IQSEC1: variants seen among roughly 807,000 people sequenced by gnomAD.
The protein encoded by IQSEC1 is IQ motif and Sec7 domain ArfGEF 1.
Under a neutral mutation model 91.0 loss-of-function variants are expected in IQSEC1, and 31 were observed. The observed-to-expected ratio is 0.34, with a 90% CI of 0.26 to 0.46. The LOEUF (loss-of-function observed/expected upper bound fraction) is 0.46. IQSEC1 is among the 20% of genes least tolerant of loss of function. The pLI is 1.00. For synonymous variants in IQSEC1, 699 were observed against 662.6 expected, an observed-to-expected ratio of 1.05 and a Z score of -0.84; for missense variants, 1,388 against 1,575.6, an observed-to-expected ratio of 0.88 and a Z score of 2.02.
rs528769715 is a variant in IQSEC1 at position 13,034,434 on chromosome 3, T to C, written c.23+38558A>G. On this transcript the variant is annotated intron_variant, in intron 1 of 13. Coordinates refer to ENST00000613206, the MANE Select transcript of IQSEC1 (RefSeq NM_001134382.3). ...AGCGAGAACGTTTCCCCGAATCAAATCTCCATGAACCTAACACCCGTTTCC... is the reference window on the plus strand; with the variant it reads ...AGCGAGAACGTTTCCCCGAATCAAACCTCCATGAACCTAACACCCGTTTCC... 2.6e-5 allele frequency among the ~76,000 whole-genome samples: 4 copies of C among 152,298 alleles called. No individual in the cohort carries two copies. The South Asian group carries it at 8.3e-4, about 32-fold the overall frequency.
chr3:13,147,215 T>C (rs1339915129), intron 2 of IQSEC1, among the ~76,000 whole-genome samples: 1 of 152,224 alleles, frequency 6.6e-6, no homozygotes, highest in Non-Finnish European at 1.5e-5. Flanking sequence ...TTTTTGGTTA[T>C]GTGGATGAAT....
chr3:12,949,829 G>GCCAC (rs992055450), intron 1 of IQSEC1, among the ~76,000 whole-genome samples: 5 of 152,190 alleles, frequency 3.3e-5, no homozygotes, highest in Non-Finnish European at 5.9e-5. Flanking sequence ...AGAGGTGGCC[G>GCCAC]CCACCCCTGC....
chr3:13,242,900 G>C (rs1386907598), intron 1 of IQSEC1, among the ~76,000 whole-genome samples: 1 of 152,078 alleles, frequency 6.6e-6, no homozygotes, highest in Non-Finnish European at 1.5e-5. Flanking sequence ...AAAGAGAAAA[G>C]GGAGGGATGC....
intron 1 of IQSEC1, among the ~76,000 whole-genome samples, chr3:13,209,656 G>T (rs1694408415): frequency 6.6e-6 from 1 of 152,224 alleles, no homozygotes; most frequent in Admixed American, 6.5e-5. Context: ...AAGGTCTCTA[G>T]TTGGCCTGCA....
intron 1 of IQSEC1, among the ~76,000 whole-genome samples, chr3:13,199,358 C>T (rs537666733): frequency 6.6e-6 from 1 of 152,300 alleles, no homozygotes; most frequent in Non-Finnish European, 1.5e-5. Flanking sequence ...AGAAAATGGG[C>T]GTGGGCCAAA....
intron 1 of IQSEC1, among the ~76,000 whole-genome samples, chr3:13,182,942 A>C (rs1400095293): frequency 6.6e-6 from 1 of 152,154 alleles, no homozygotes; most frequent in East Asian, 1.9e-4. Flanking sequence ...AGGCAGGTGG[A>C]TCACGAGGTC....
intron 1 of IQSEC1, among the ~76,000 whole-genome samples, chr3:13,067,004 T>C (rs890570583): frequency 4.6e-5 from 7 of 152,190 alleles, no homozygotes; most frequent in Non-Finnish European, 1.0e-4. Context: ...CCCCTGTGTG[T>C]CGCAGCATAA....
chr3:13,174,872 C>T (rs1693696799), intron 1 of IQSEC1, among the ~76,000 whole-genome samples: 1 of 151,872 alleles, frequency 6.6e-6, no homozygotes, highest in South Asian at 2.1e-4. Flanking sequence ...CTCTCTCGCC[C>T]CCACTCCAGC....
intron 1 of IQSEC1, among the ~76,000 whole-genome samples, chr3:12,965,124 G>A (rs1219651084): frequency 6.6e-6 from 1 of 152,142 alleles, no homozygotes; most frequent in African/African-American, 2.4e-5. Context: ...CCCAGTCTCT[G>A]GGTTCTCTTA....
intron 1 of IQSEC1, among the ~76,000 whole-genome samples, chr3:12,956,983 C>G (rs1699950389): frequency 1.3e-5 from 2 of 152,330 alleles, no homozygotes; most frequent in Non-Finnish European, 2.9e-5. Flanking sequence ...TGCCATCAGC[C>G]AGAGAGGAAA....
rs1702119124 is a variant in IQSEC1, at chr3:12,994,115, C to T, written c.24-52250G>A. ...CCGCCCGCAGCCGCCGAGAGCGCGC[C>T]GTCCCCGCGGCCGGCGCGGCCCCAG... On this transcript the variant is annotated intron_variant, in intron 1 of 13. Transcript: ENST00000613206. This position sits in a 1 kb window ranked among gnomAD's most constrained non-coding sequence, Gnocchi z 4.5. Among the ~76,000 whole-genome samples, 1 of 146,370 alleles carries T rather than the reference C, an allele frequency of 6.8e-6. No homozygotes were observed. The highest frequency in any genetic ancestry group is 6.8e-5 in the Admixed American group (1 of 14,744).
intron 1 of IQSEC1, among the ~76,000 whole-genome samples, chr3:13,186,978 CTCCT>C (rs1207544885): frequency 1.3e-5 from 2 of 151,894 alleles, no homozygotes; most frequent in Non-Finnish European, 2.9e-5. Context: ...CCTTCCCTCC[CTCCT>C]TCCTTCCTGC....
intron 1 of IQSEC1, among the ~76,000 whole-genome samples, chr3:13,188,697 CA>C (rs1383270852): frequency 6.6e-6 from 1 of 152,212 alleles, no homozygotes; most frequent in African/African-American, 2.4e-5. Flanking sequence ...GACTTGAGCT[CA>C]ACCTACCGAG....
chr3:12,973,137 C>T (rs1235236275), intron 1 of IQSEC1, among the ~76,000 whole-genome samples: 1 of 152,190 alleles, frequency 6.6e-6, no homozygotes, highest in Non-Finnish European at 1.5e-5. Context: ...CTGACCTAGG[C>T]TTCTGGCCCG....
chr3:13,073,045 C>T lies in IQSEC1; in HGVS notation c.-31G>A. ...GTGAATCCGTTCTTCCCTGTTCTGGCTCCCTCTCCAGCGGGGAGGCTCAAC... is the reference window on the plus strand; with the variant it reads ...GTGAATCCGTTCTTCCCTGTTCTGGTTCCCTCTCCAGCGGGGAGGCTCAAC... On this transcript the variant is annotated 5_prime_UTR_variant, in exon 1 of 14. Transcript: ENST00000613206. 1 of 1,551,706 alleles carries T rather than the reference C, an allele frequency of 6.4e-7. No individual in the cohort carries two copies. Among genetic ancestry groups the T allele is most frequent in the Non-Finnish European group, 8.7e-7 (1 of 1,146,944 alleles).
At position 12,948,123 on chromosome 3, in the gene IQSEC1, A is replaced by T. The variant is rs79335195; in HGVS notation, c.24-6258T>A. 4.5e-3 allele frequency among the ~76,000 whole-genome samples: 679 copies of T among 152,308 alleles called. 9 individuals are homozygous for T. The highest frequency in any genetic ancestry group is 0.035 in the East Asian group (182 of 5,174). ...CTGTGCCTCAGGTTCCTTCCTCTAA[A>T]ATTGGGGTAATTAGTGTATCTACTT... On this transcript the variant is annotated intron_variant, in intron 1 of 13. Transcript: ENST00000613206.
At chr3:13,216,445 G>C in intron 1 of IQSEC1, among the ~76,000 whole-genome samples, 1 of 152,276 alleles carries the variant, frequency 6.6e-6, no homozygotes, top group Admixed American at 6.5e-5. Context: ...GGCAGGTGAG[G>C]GCAGGGAGCC....
intron 1 of IQSEC1, chr3:13,052,932 A>T (rs1704742280): frequency 1.1e-6 from 1 of 931,430 alleles, no homozygotes; most frequent in Non-Finnish European, 1.8e-6. Flanking sequence ...ACCTTGAGAC[A>T]GCATCAATAT....
intron 1 of IQSEC1, among the ~76,000 whole-genome samples, chr3:13,016,060 CTACT>C (rs1559720948): frequency 1.3e-5 from 2 of 152,028 alleles, no homozygotes; most frequent in Non-Finnish European, 2.9e-5. Context: ...AGAGGGTGCC[CTACT>C]TACTTAGCAG....
Sources: allele counts gnomAD v4.1 joint callset (sites outside exome capture counted in the v4.1 genomes callset), GRCh38; gene constraint gnomAD v4.1.1; non-coding constraint Gnocchi (gnomAD v3.1); transcripts MANE v1.5; gene names NCBI Gene and HGNC (gene_info 2026-07-23, HGNC 2026-07-21).